TMEM117: variants seen among roughly 807,000 people sequenced by gnomAD.
TMEM117 encodes transmembrane protein 117.
A neutral mutation model predicts 52.4 loss-of-function variants in TMEM117; 27 were observed. That is an observed-to-expected ratio of 0.51 (90% CI 0.38 to 0.71). The LOEUF (loss-of-function observed/expected upper bound fraction) is 0.71. Among genes scored for constraint, TMEM117 ranks in the 30% least tolerant of loss-of-function variants. The pLI is 0.00. For synonymous variants in TMEM117, 215 were observed against 206.3 expected (o/e 1.04, Z -0.36); for missense variants, 556 against 630.5 (o/e 0.88, Z 1.26).
chr12:43,883,147 G>T (rs1452727978), intron 2 of TMEM117, among the ~76,000 whole-genome samples: 2 of 152,084 alleles, frequency 1.3e-5, no homozygotes, highest in Non-Finnish European at 2.9e-5. Context: ...AGGATGTTTA[G>T]GTTATTTAGT....
At chr12:44,286,218 G>A (rs1440637256) in intron 5 of TMEM117, among the ~76,000 whole-genome samples, 2 of 151,298 alleles carry the variant, frequency 1.3e-5, no homozygotes, top group African/African-American at 4.9e-5. Flanking sequence ...TAACTGTGCA[G>A]CATGAACATA....
intron 4 of TMEM117, among the ~76,000 whole-genome samples, chr12:44,152,219 T>C (rs1319738103): frequency 4.6e-5 from 5 of 109,150 alleles, no homozygotes; most frequent in South Asian, 6.3e-4. Context: ...TTATATTATA[T>C]ATTATAAATA....
At chr12:44,229,195 A>C (rs1269302664) in intron 5 of TMEM117, among the ~76,000 whole-genome samples, 1 of 152,118 alleles carries the variant, frequency 6.6e-6, no homozygotes, top group Non-Finnish European at 1.5e-5. Context: ...GAAGAGGATC[A>C]AGATTTCTCT....
chr12:44,347,169 A>G (rs781267991), intron 6 of TMEM117, among the ~76,000 whole-genome samples: 8 of 152,010 alleles, frequency 5.3e-5, no homozygotes, highest in Non-Finnish European at 1.2e-4. Flanking sequence ...CTATATTGTA[A>G]CCTTTTATTC....
chr12:44,148,282 G>A (rs1400940470), intron 4 of TMEM117, among the ~76,000 whole-genome samples: 1 of 152,170 alleles, frequency 6.6e-6, no homozygotes, highest in Non-Finnish European at 1.5e-5. Flanking sequence ...CCCCTTGAAA[G>A]TTGGAGTTTC....
At chr12:44,141,025 TTC>T (rs1948563687) in intron 3 of TMEM117, among the ~76,000 whole-genome samples, 1 of 152,144 alleles carries the variant, frequency 6.6e-6, no homozygotes, top group South Asian at 2.1e-4. Flanking sequence ...TTCTTCACAG[TTC>T]TAACTTTCCA....
Position 43,984,364 on chromosome 12 carries a change from TAACAACAACAACAAC to T in TMEM117, c.410+40051_410+40065del, listed in dbSNP as rs3064367. On this transcript the variant is annotated intron_variant, in intron 3 of 7. Transcript: ENST00000266534. ...GCCTGGGCGACAGAGTGAGACTCCG[TAACAACAACAACAAC>T]AACAACAACAACAACAACAACAACA... Among the ~76,000 whole-genome samples, 1,301 of 146,100 alleles carry T rather than the reference TAACAACAACAACAAC, an allele frequency of 8.9e-3. 12 individuals are homozygous for T. Among genetic ancestry groups the T allele is most frequent in the African/African-American group, 0.03 (1,209 of 39,720 alleles).
At chr12:43,935,841 C>CT (rs1448577504) in intron 2 of TMEM117, among the ~76,000 whole-genome samples, 3 of 152,068 alleles carry the variant, frequency 2.0e-5, no homozygotes, top group Non-Finnish European at 4.4e-5. Flanking sequence ...GACCTGCATT[C>CT]TAGGCTTTAT....
At chr12:43,850,362 A>G (rs756438682) in intron 2 of TMEM117, among the ~76,000 whole-genome samples, 2 of 151,824 alleles carry the variant, frequency 1.3e-5, no homozygotes. Context: ...TAAAAGCTAA[A>G]CTCCTTTGAT....
rs116065975 is a variant in TMEM117 at position 44,310,932 on chromosome 12, A to T, written c.768+11193A>T. On this transcript the variant is annotated intron_variant, in intron 6 of 7. Coordinates refer to ENST00000266534, the MANE Select transcript of TMEM117 (RefSeq NM_032256.3). ...ATTAGACTATGATTTCTCAGCTCTC[A>T]TGTAACTCTGGTAATAAGTGAATGT... is the stretch of plus-strand genomic sequence containing the variant. Among the ~76,000 whole-genome samples, 917 of 152,216 alleles carry T rather than the reference A, an allele frequency of 6.0e-3. 12 individuals are homozygous for T. The highest frequency in any genetic ancestry group is 0.02 in the African/African-American group (831 of 41,528).
chr12:44,017,155 C>T (rs1233995495), intron 3 of TMEM117, among the ~76,000 whole-genome samples: 1 of 151,794 alleles, frequency 6.6e-6, no homozygotes, highest in Non-Finnish European at 1.5e-5. Context: ...TCAATCTGAT[C>T]TGCTCATTTA....
intron 5 of TMEM117, among the ~76,000 whole-genome samples, chr12:44,281,487 CT>C (rs1319400684): frequency 1.1e-4 from 16 of 152,118 alleles, no homozygotes; most frequent in Non-Finnish European, 2.1e-4. Context: ...TATGTAAACA[CT>C]TTGTCTTCAT....
chr12:43,880,505 A>G (rs1321207741), intron 2 of TMEM117, among the ~76,000 whole-genome samples: 1 of 152,152 alleles, frequency 6.6e-6, no homozygotes, highest in African/African-American at 2.4e-5. Context: ...TTTGGGGAGT[A>G]TAAGGAATTG....
intron 3 of TMEM117, among the ~76,000 whole-genome samples, chr12:44,086,188 G>A (rs1947562047): frequency 6.6e-6 from 1 of 151,540 alleles, no homozygotes; most frequent in Non-Finnish European, 1.5e-5. Flanking sequence ...CTTTGGCTTG[G>A]AGTATCTTGG....
chr12:44,137,282 G>A (rs995004009), intron 3 of TMEM117, among the ~76,000 whole-genome samples: 2 of 152,056 alleles, frequency 1.3e-5, no homozygotes, highest in Non-Finnish European at 2.9e-5. Context: ...AGGTTTCTCA[G>A]TGGACAGACT....
chr12:43,866,514 G>A (rs1335424915), intron 2 of TMEM117, among the ~76,000 whole-genome samples: 1 of 152,016 alleles, frequency 6.6e-6, no homozygotes, highest in Non-Finnish European at 1.5e-5. Context: ...GGTCGAGGCT[G>A]CAGTGAGTTG....
intron 3 of TMEM117, among the ~76,000 whole-genome samples, chr12:44,087,384 G>A (rs1947587958): frequency 6.6e-6 from 1 of 152,102 alleles, no homozygotes; most frequent in African/African-American, 2.4e-5. Context: ...AAGCACCTTA[G>A]TTGATATAAC....
intron 3 of TMEM117, among the ~76,000 whole-genome samples, chr12:43,971,434 AG>A: frequency 6.6e-6 from 1 of 152,328 alleles, no homozygotes; most frequent in East Asian, 1.9e-4. Flanking sequence ...TTTTGCCCAA[AG>A]GCTAAGTTCC....
At chr12:43,928,654 T>A (rs1280855819) in intron 2 of TMEM117, among the ~76,000 whole-genome samples, 1 of 151,898 alleles carries the variant, frequency 6.6e-6, no homozygotes, top group East Asian at 1.9e-4. Flanking sequence ...GCAGGTTAGT[T>A]ACATATGTAT....
Sources: allele counts gnomAD v4.1 joint callset (sites outside exome capture counted in the v4.1 genomes callset), GRCh38; gene constraint gnomAD v4.1.1; transcripts MANE v1.5; gene names NCBI Gene and HGNC (gene_info 2026-07-23, HGNC 2026-07-21).